Variants in CACNA1A observed in about 807,000 individuals in gnomAD.
CACNA1A encodes the protein calcium voltage-gated channel subunit alpha1 A.
CACNA1A carries 57 observed loss-of-function variants against 262.4 expected under a neutral mutation model. The observed-to-expected ratio is 0.22, with a 90% CI of 0.18 to 0.27. The LOEUF is 0.27. Ranked by LOEUF, CACNA1A falls within the 10% of genes least tolerant of loss-of-function variation. The pLI is 1.00. For missense variants in CACNA1A, 2,526 were observed against 3,562.8 expected (o/e 0.71, Z 7.41); for synonymous variants, 1,431 against 1,419.3 (o/e 1.01, Z -0.18).
intron 3 of CACNA1A, among the ~76,000 whole-genome samples, chr19:13,376,796 T>TAACACATAATATATGTGACATATATA (rs55810432): frequency 3.5e-5 from 5 of 144,868 alleles, no homozygotes; most frequent in African/African-American, 5.3e-5. Flanking sequence ...GTGACATATA[T>TAACACATAATATATGTGACATATATA]ACACATAATA....
In CACNA1A at chr19:13,261,557, G is replaced by A. The variant is rs1244179413; in HGVS notation, c.4143C>T (p.Ile1381=). Residue 1381 remains isoleucine, a synonymous_variant, in exon 26 of 47, where the codon ATC becomes ATT. Coordinates refer to ENST00000360228, the MANE Select transcript of CACNA1A (RefSeq NM_001127222.2). ...NSLKNVFNIL[I]VYMLFMFIFA... ...AGATGAACATGAATAGCATGTAGAC[G>A]ATGAGGATGTTGAAGACGTTTTTAA... The A allele has an allele frequency of 2.5e-6, 4 of 1,608,252 alleles. No individual in the cohort carries two copies. Among genetic ancestry groups the A allele is most frequent in the East Asian group, 4.5e-5 (2 of 44,728 alleles).
chr19:13,420,551 C>T (rs2060301080), intron 3 of CACNA1A, among the ~76,000 whole-genome samples: 1 of 151,938 alleles, frequency 6.6e-6, no homozygotes, highest in Non-Finnish European at 1.5e-5. Context: ...GAAGTGGATG[C>T]CAGACAAAGA....
chr19:13,287,203 T>C (rs191974452), intron 19 of CACNA1A, among the ~76,000 whole-genome samples: 49 of 152,128 alleles, frequency 3.2e-4, no homozygotes, highest in African/African-American at 1.2e-3. Flanking sequence ...AATGTGTAAA[T>C]TGACGGGCGT....
chr19:13,402,855 T>C (rs576344322), intron 3 of CACNA1A, among the ~76,000 whole-genome samples: 6 of 72,704 alleles, frequency 8.3e-5, no homozygotes, highest in East Asian at 4.2e-4. Flanking sequence ...CACATATATA[T>C]ATACACACAC....
At chr19:13,283,433 G>C (rs769832245) in intron 21 of CACNA1A, 37 bp from the exon 22 acceptor site, 1 of 1,612,836 alleles carries the variant, frequency 6.2e-7, no homozygotes, top group Non-Finnish European at 8.5e-7. Context: ...GGTCCACTCA[G>C]ACCACAGGCT....
chr19:13,304,132 G>T (rs1342398387), intron 15 of CACNA1A, among the ~76,000 whole-genome samples: 2 of 152,062 alleles, frequency 1.3e-5, no homozygotes, highest in African/African-American at 4.8e-5. Flanking sequence ...TGGGACCCTG[G>T]AGGAGTCACA....
Position 13,250,841 on chromosome 19 carries a change from AT to A in CACNA1A, c.4866+2149del, listed in dbSNP as rs1172980762. The stretch of plus-strand genomic sequence containing the variant: ...TTTGTAATAAAATAGCTATCAAAAT[AT>A]TTTTTAAGGCTAGGCACAGTGTCTC... On this transcript the variant is annotated intron_variant, in intron 30 of 46. Coordinates refer to ENST00000360228, the MANE Select transcript of CACNA1A (RefSeq NM_001127222.2). Among the ~76,000 whole-genome samples the A allele has an allele frequency of 6.6e-5, 10 of 152,302 alleles. No homozygotes were observed. The South Asian group carries it at 1.9e-3, about 28-fold the overall frequency.
intron 19 of CACNA1A, among the ~76,000 whole-genome samples, chr19:13,293,086 T>C (rs2144921592): frequency 6.6e-6 from 1 of 152,298 alleles, no homozygotes; most frequent in Admixed American, 6.5e-5. Flanking sequence ...TCTGTGGGAT[T>C]TGGGCAAGCT....
chr19:13,253,842 C>T (rs140931016), intron 29 of CACNA1A, among the ~76,000 whole-genome samples: 183 of 152,220 alleles, frequency 1.2e-3, no homozygotes, highest in African/African-American at 3.9e-3. Context: ...TGGGTTCAAG[C>T]GATTCTCATG....
At chr19:13,383,043 G>T (rs568145000) in intron 3 of CACNA1A, among the ~76,000 whole-genome samples, 48 of 152,292 alleles carry the variant, frequency 3.2e-4, no homozygotes, top group Non-Finnish European at 6.0e-4. Flanking sequence ...GCGGGGTGAG[G>T]GGCAACGGTG....
intron 5 of CACNA1A, chr19:13,363,683 ATCT>A (rs1490751744): frequency 3.3e-5 from 5 of 151,978 alleles, no homozygotes; most frequent in African/African-American, 9.7e-5. Flanking sequence ...CCCAGACAGA[ATCT>A]TCTTCTGTGG....
At chr19:13,279,607 T>G (rs1314810850) in intron 22 of CACNA1A, among the ~76,000 whole-genome samples, 1 of 152,048 alleles carries the variant, frequency 6.6e-6, no homozygotes, top group African/African-American at 2.4e-5. Context: ...TGCCTCAGCC[T>G]CCAAGTGTCT....
At chr19:13,407,050 C>T (rs918633324) in intron 3 of CACNA1A, among the ~76,000 whole-genome samples, 2 of 152,074 alleles carry the variant, frequency 1.3e-5, no homozygotes, top group African/African-American at 4.8e-5. Flanking sequence ...ATGTGGAATC[C>T]CAGCTCTGCT....
chr19:13,351,760 G>A (rs902471880), intron 6 of CACNA1A, among the ~76,000 whole-genome samples: 1 of 151,866 alleles, frequency 6.6e-6, no homozygotes, highest in Non-Finnish European at 1.5e-5. Context: ...CACCCGCCTC[G>A]GCCTCCCAAA....
chr19:13,216,664 T>C (rs1256720251), intron 38 of CACNA1A, among the ~76,000 whole-genome samples: 1 of 7,332 alleles, frequency 1.4e-4, no homozygotes, highest in Non-Finnish European at 2.3e-4. Context: ...TCTATCTATC[T>C]ATCTATCTAT....
At chr19:13,313,897 T>G (rs2058079640) in intron 11 of CACNA1A, among the ~76,000 whole-genome samples, 1 of 152,148 alleles carries the variant, frequency 6.6e-6, no homozygotes, top group Non-Finnish European at 1.5e-5. Context: ...AGTACTTAGT[T>G]GGAGCGACAC....
chr19:13,240,201 A>C (rs953939010), intron 31 of CACNA1A, among the ~76,000 whole-genome samples: 1 of 150,886 alleles, frequency 6.6e-6, no homozygotes, highest in Admixed American at 6.6e-5. Flanking sequence ...AGAATGAGTG[A>C]GAAAAAGAGA....
intron 34 of CACNA1A, among the ~76,000 whole-genome samples, chr19:13,234,087 C>T (rs1159156205): frequency 8.5e-5 from 12 of 141,076 alleles, no homozygotes; most frequent in African/African-American, 5.3e-5. Flanking sequence ...CGGTGGCTCA[C>T]GCCTGTAATC....
chr19:13,269,840 C>T (rs1261898345), intron 24 of CACNA1A, among the ~76,000 whole-genome samples: 2 of 152,170 alleles, frequency 1.3e-5, no homozygotes, highest in Non-Finnish European at 2.9e-5. Context: ...AGAAGAGCTT[C>T]AATACATCCC....
Sources: gnomAD v4.1 joint callset for allele counts (sites outside exome capture counted in the v4.1 genomes callset) on GRCh38, gnomAD v4.1.1 for gene constraint, MANE v1.5 for transcripts, NCBI Gene and HGNC (gene_info 2026-07-23, HGNC 2026-07-21) for gene names.